USP34: variants seen among roughly 807,000 people sequenced by gnomAD.
The protein encoded by USP34 is ubiquitin carboxyl-terminal hydrolase 34.
In USP34, 70 loss-of-function variants were observed where a neutral mutation model predicts 460.3. The observed-to-expected ratio is 0.15, with a 90% CI of 0.13 to 0.19. The LOEUF is 0.19. Among genes scored for constraint, USP34 ranks in the 10% least tolerant of loss-of-function variants. USP34 has a pLI of 1.00. For missense variants in USP34, 3,985 were observed against 4,236.2 expected, an observed-to-expected ratio of 0.94 and a Z score of 1.65; for synonymous variants, 1,647 against 1,405.3, an observed-to-expected ratio of 1.17 and a Z score of -3.85.
chr2:61,188,721 C>G lies in USP34; in HGVS notation c.10034-12G>C. On this transcript the variant is annotated splice_polypyrimidine_tract_variant and intron_variant, in intron 79 of 79. Transcript: ENST00000398571. ...TGCTCCTTCATCATCTGTGAAAACA[C>G]ATGCCAAAAGGGAAACTTCTCTGAA... The G allele has an allele frequency of 1.2e-6, 2 of 1,607,314 alleles. No individual in the cohort carries two copies. Among genetic ancestry groups the G allele is most frequent in the Non-Finnish European group, 1.7e-6 (2 of 1,176,972 alleles).
At chr2:61,349,936 A>C (rs568611472) in intron 12 of USP34, among the ~76,000 whole-genome samples, 2 of 152,116 alleles carry the variant, frequency 1.3e-5, no homozygotes, top group African/African-American at 4.8e-5. Context: ...AAGATAACTG[A>C]ATCATTATGT....
intron 53 of USP34, among the ~76,000 whole-genome samples, chr2:61,240,187 A>C (rs1558484766): frequency 6.6e-6 from 1 of 152,192 alleles, no homozygotes; most frequent in Non-Finnish European, 1.5e-5. Context: ...CACCAAACCA[A>C]AACACATTCA....
At chr2:61,390,149 A>C (rs573405722) in intron 5 of USP34, among the ~76,000 whole-genome samples, 23 of 152,324 alleles carry the variant, frequency 1.5e-4, no homozygotes, top group Non-Finnish European at 2.5e-4. Context: ...TGACTAAAGC[A>C]TATTTTGTGT....
intron 58 of USP34, among the ~76,000 whole-genome samples, chr2:61,231,842 C>T (rs1391150886): frequency 2.0e-5 from 3 of 148,954 alleles, no homozygotes; most frequent in Non-Finnish European, 4.5e-5. Context: ...TATGTATGTT[C>T]TATATAAATT....
At chr2:61,327,328 C>T (rs1326046356) in intron 20 of USP34, among the ~76,000 whole-genome samples, 2 of 152,158 alleles carry the variant, frequency 1.3e-5, no homozygotes, top group African/African-American at 4.8e-5. Context: ...AGTGAAAATA[C>T]ATATGACGAG....
chr2:61,422,392 G>C (rs867537081), intron 1 of USP34, among the ~76,000 whole-genome samples: 1 of 152,118 alleles, frequency 6.6e-6, no homozygotes, highest in African/African-American at 2.4e-5. Flanking sequence ...CCTCACCAGA[G>C]GCCCGCCTGA....
chr2:61,307,028 T>C (rs972365700), intron 27 of USP34, among the ~76,000 whole-genome samples: 23 of 152,112 alleles, frequency 1.5e-4, no homozygotes, highest in African/African-American at 5.6e-4. Flanking sequence ...ATGTTTATTG[T>C]GGCACTATTC....
intron 48 of USP34, 141 bp downstream of exon 48, chr2:61,256,243 G>C (rs528583134): frequency 1.4e-4 from 99 of 702,628 alleles, no homozygotes; most frequent in African/African-American, 1.3e-3. Context: ...TAGATGAAAA[G>C]TTGCTCCATG....
chr2:61,189,983 A>G lies in USP34; in HGVS notation c.9873+288T>C, dbSNP rs118189209. ...CCATAGGCAGTAATAGAAACATCAC[A>G]AGTATTGTTTCCAAAAATATACCCA... On this transcript the variant is annotated intron_variant, in intron 78 of 79. Coordinates refer to ENST00000398571, the MANE Select transcript of USP34 (RefSeq NM_014709.4). The G allele has an allele frequency of 7.3e-4, 205 of 281,282 alleles. 1 individual carries two copies. The East Asian group carries it at 0.012, about 16-fold the overall frequency. The allele number at this position is 281,282 out of a possible 1,614,324, so 17.4% of individuals were successfully genotyped here. A position where few individuals can be genotyped will look rare whatever the true frequency, so the allele number is the denominator to read the frequency against.
chr2:61,424,720 A>G (rs1450040479), intron 1 of USP34, among the ~76,000 whole-genome samples: 1 of 152,214 alleles, frequency 6.6e-6, no homozygotes, highest in Non-Finnish European at 1.5e-5. Context: ...TATTTAAGAA[A>G]AAAAGACCAA....
chr2:61,391,965 T>C (rs575771711), intron 5 of USP34, among the ~76,000 whole-genome samples: 94 of 152,304 alleles, frequency 6.2e-4, no homozygotes, highest in African/African-American at 2.2e-3. Flanking sequence ...TCAAAAAATA[T>C]ATTAATTTAA....
In USP34 at chr2:61,280,552, A is replaced by C. The variant is rs918608413; in HGVS notation, c.5152-204T>G. ...AATGACAAACGTAAGAACTTTTAGG[A>C]AAATATTAGTCTCAAATTACTGACA... On this transcript the variant is annotated intron_variant, in intron 38 of 79. Coordinates refer to ENST00000398571, the MANE Select transcript of USP34 (RefSeq NM_014709.4). Among the ~76,000 whole-genome samples the C allele has an allele frequency of 2.0e-5, 3 of 152,162 alleles. No individual in the cohort carries two copies. In the East Asian group the frequency reaches 5.8e-4, roughly 29 times the overall value.
intron 3 of USP34, among the ~76,000 whole-genome samples, chr2:61,397,585 G>A (rs903484830): frequency 5.3e-5 from 8 of 152,254 alleles, no homozygotes; most frequent in African/African-American, 1.9e-4. Context: ...GGCCAACATG[G>A]TGAAACCGCG....
intron 49 of USP34, among the ~76,000 whole-genome samples, chr2:61,247,686 CCTGT>C (rs1298839311): frequency 6.6e-6 from 1 of 152,106 alleles, no homozygotes; most frequent in Non-Finnish European, 1.5e-5. Flanking sequence ...TGTCACTGCA[CCTGT>C]CTAATTTTTC....
intron 53 of USP34, among the ~76,000 whole-genome samples, chr2:61,238,783 T>C (rs1688145730): frequency 1.3e-5 from 2 of 152,106 alleles, no homozygotes; most frequent in South Asian, 2.1e-4. Flanking sequence ...TACAGGCATA[T>C]CTCATTTTAT....
In USP34 at chr2:61,378,409, A is replaced by C. The variant is rs1436099811; in HGVS notation, c.1030T>G (p.Phe344Val). ...GATTCATTATTGCACACATCATTGA[A>C]GGTATGGAGTTGATTCTATGATTAA... Reference protein sequence around the residue: ...LSQITNQLHTFNDVCNNESLV... With the variant: ...LSQITNQLHTVNDVCNNESLV... Residue 344 changes from phenylalanine (F) to valine (V), a missense_variant, in exon 8 of 80, where the codon TTC becomes GTC. This residue lies in a region of USP34 where 716 missense variants were observed against 626.2 expected (regional missense o/e 1.14). Coordinates refer to ENST00000398571, the MANE Select transcript of USP34 (RefSeq NM_014709.4). The C allele has an allele frequency of 1.3e-6, 2 of 1,593,666 alleles. No homozygotes were observed. The highest frequency in any genetic ancestry group is 1.7e-6 in the Non-Finnish European group (2 of 1,173,804).
chr2:61,265,491 C>T lies in USP34; in HGVS notation c.5684G>A (p.Gly1895Asp). 6.2e-7 allele frequency: 1 copy of T among 1,613,426 alleles called. No individual in the cohort carries two copies. The highest frequency in any genetic ancestry group is 8.5e-7 in the Non-Finnish European group (1 of 1,179,758). ...ACAAGTAGCTCCAAGGTTAGTAAGGCCAACAAATCTACATTCAGCACGGAC... is the reference window on the plus strand; with the variant it reads ...ACAAGTAGCTCCAAGGTTAGTAAGGTCAACAAATCTACATTCAGCACGGAC... ...EDVRAECRFV[G>D]LTNLGATCYL... The change falls in exon 43 of 80, where the codon GGC becomes GAC. Residue 1895 changes from glycine (G) to aspartate (D), a missense_variant. Gly to Asp is a moderately conservative substitution (Grantham distance 94). This residue lies in a region of USP34 where 145 missense variants were observed against 291.6 expected (regional missense o/e 0.50). Coordinates refer to ENST00000398571, the MANE Select transcript of USP34 (RefSeq NM_014709.4).
At chr2:61,469,284 C>G (rs1695875505) in intron 1 of USP34, among the ~76,000 whole-genome samples, 1 of 152,166 alleles carries the variant, frequency 6.6e-6, no homozygotes, top group African/African-American at 2.4e-5. Context: ...AAACGATTAA[C>G]TTTCCAAGTT....
At chr2:61,229,716 T>G in intron 58 of USP34, 83 bp from the exon 59 acceptor site, 2 of 1,194,342 alleles carry the variant, frequency 1.7e-6, no homozygotes, top group Non-Finnish European at 2.4e-6. Context: ...CAAAATTCTC[T>G]GCCACCCATT....
Sources: gnomAD v4.1 joint callset for allele counts (sites outside exome capture counted in the v4.1 genomes callset) on GRCh38, gnomAD v4.1.1 for gene constraint, gnomAD v4.1.1 regional missense constraint, MANE v1.5 for transcripts, NCBI Gene and HGNC (gene_info 2026-07-23, HGNC 2026-07-21) for gene names.